GLB1: variants seen among roughly 807,000 people sequenced by gnomAD.
The protein encoded by GLB1 is beta-galactosidase.
In GLB1, 56 loss-of-function variants were observed where a neutral mutation model predicts 74.0. That is an observed-to-expected ratio of 0.76 (90% CI 0.61 to 0.94). The LOEUF is 0.94. Ranked by LOEUF, GLB1 falls within the 40% of genes least tolerant of loss-of-function variation. GLB1 has a pLI of 0.00. For synonymous variants in GLB1, 323 were observed against 323.6 expected, an observed-to-expected ratio of 1.00 and a Z score of 0.02; for missense variants, 787 against 845.5, an observed-to-expected ratio of 0.93 and a Z score of 0.86.
chr3:33,010,456 C>A (rs1228922979), intron 15 of GLB1, among the ~76,000 whole-genome samples: 1 of 152,144 alleles, frequency 6.6e-6, no homozygotes, highest in Non-Finnish European at 1.5e-5. Context: ...AATGTCTATT[C>A]AAGTTCTTTG....
chr3:33,094,353 T>C lies in GLB1; in HGVS notation c.75+2658A>G, dbSNP rs1700912504. The C allele has an allele frequency of 3.6e-6, 5 of 1,402,138 alleles. No individual in the cohort carries two copies. The South Asian group carries it at 7.5e-5, about 21-fold the overall frequency. 86.9% of individuals were successfully genotyped at this position (1,402,138 alleles called of 1,614,324 possible). A position where few individuals can be genotyped will look rare whatever the true frequency, so the allele number is the denominator to read the frequency against. On this transcript the variant is annotated intron_variant, in intron 1 of 15. Transcript: ENST00000307363. ...TTTGTGGGATATTAGAGTGTCCTTG[T>C]ACCCATTCAAAACTCAAAGGCCACT...
At chr3:33,072,776 T>C (rs1699933407) in intron 1 of GLB1, 63 bp from the exon 2 acceptor site, 1 of 1,607,406 alleles carries the variant, frequency 6.2e-7, no homozygotes. Flanking sequence ...AGCCGATCCT[T>C]TGAGAGTAGC....
chr3:33,017,019 A>G (rs1274526678), intron 13 of GLB1, among the ~76,000 whole-genome samples, 179 bp from the exon 14 acceptor site: 4 of 152,200 alleles, frequency 2.6e-5, no homozygotes, highest in Admixed American at 2.0e-4. Flanking sequence ...AGATCCCCCA[A>G]TCACTGCTTC....
chr3:32,996,732 T>C lies in GLB1; in HGVS notation c.*313A>G, dbSNP rs1049607530. The C allele has an allele frequency of 1.0e-5, 4 of 382,748 alleles. No homozygotes were observed. The highest frequency in any genetic ancestry group is 2.1e-5 in the African/African-American group (1 of 48,420). The allele number at this position is 382,748 out of a possible 1,614,324, so 23.7% of individuals were successfully genotyped here. The stretch of plus-strand genomic sequence containing the variant: ...ACATTAAAAACAGTGACATCATCAT[T>C]TGAGTACAAATTTTATTTAACAAAA... On this transcript the variant is annotated 3_prime_UTR_variant, in exon 16 of 16. Coordinates refer to ENST00000307363, the MANE Select transcript of GLB1 (RefSeq NM_000404.4).
At chr3:32,979,007 G>A in the GLB1 span, among the ~76,000 whole-genome samples, 3 of 138,502 alleles carry the variant, frequency 2.2e-5, no homozygotes, top group South Asian at 2.3e-4. Context: ...ATGGAGTTTC[G>A]CTCTTGAAGC....
the GLB1 span, among the ~76,000 whole-genome samples, chr3:32,979,511 G>C: frequency 2.7e-5 from 4 of 150,512 alleles, no homozygotes; most frequent in African/African-American, 9.8e-5. Context: ...AATTCTTTTG[G>C]TGTTTTTTCT....
the GLB1 span, among the ~76,000 whole-genome samples, chr3:32,967,562 C>CTTAACCCT: frequency 6.6e-6 from 1 of 152,188 alleles, no homozygotes; most frequent in African/African-American, 2.4e-5. Flanking sequence ...TAAAAGGTAA[C>CTTAACCCT]TTAACCCTTT....
At chr3:33,070,943 T>C (rs934609237) in intron 2 of GLB1, among the ~76,000 whole-genome samples, 1 of 152,220 alleles carries the variant, frequency 6.6e-6, no homozygotes, top group East Asian at 1.9e-4. Flanking sequence ...AAGAGACATA[T>C]TTATTTTTTG....
chr3:33,040,210 T>C (rs1160638086), intron 10 of GLB1, among the ~76,000 whole-genome samples: 1 of 152,230 alleles, frequency 6.6e-6, no homozygotes, highest in East Asian at 1.9e-4. Flanking sequence ...CCCTCTGATA[T>C]ATTTTGTAGC....
At chr3:32,977,163 T>G in the GLB1 span, among the ~76,000 whole-genome samples, 116,993 of 151,558 alleles carry the variant, frequency 0.77, 47,192 homozygotes, top group East Asian at 1. Context: ...GCCTTCCAGG[T>G]GTTCACAGAA....
At chr3:32,971,720 A>G in the GLB1 span, among the ~76,000 whole-genome samples, 6 of 152,216 alleles carry the variant, frequency 3.9e-5, no homozygotes, top group African/African-American at 1.4e-4. Flanking sequence ...GAGACTAAAA[A>G]CAAAACTCTA....
At chr3:32,993,982 C>T (rs79493384), downstream of GLB1, among the ~76,000 whole-genome samples, 1 of 152,142 alleles carries the variant, frequency 6.6e-6, no homozygotes, top group African/African-American at 2.4e-5. Context: ...TCATTATTCA[C>T]TATCTTCAAA....
intron 10 of GLB1, among the ~76,000 whole-genome samples, chr3:33,041,340 G>A (rs1196710843): frequency 6.6e-6 from 1 of 152,128 alleles, no homozygotes; most frequent in Non-Finnish European, 1.5e-5. Flanking sequence ...AAGTCAGTAT[G>A]CTGAGAGAAA....
In GLB1 at chr3:33,046,210, T is replaced by G. The variant is rs749382988; in HGVS notation, c.978A>C (p.Ala326=). The change falls in exon 10 of 16, where the codon GCA becomes GCC. Residue 326 remains alanine, a synonymous_variant. Transcript: ENST00000307363. ...CATCATAGTCGTAGCTGGTGGGCTG[T>G]GCTGCATAGGGTGAGTTGGCCCCTA... The part of the protein sequence containing the change: ...YWNGANSPYA[A]QPTSYDYDAP... 1 of 1,614,046 alleles carries G rather than the reference T, an allele frequency of 6.2e-7. No homozygotes were observed. Among genetic ancestry groups the G allele is most frequent in the South Asian group, 1.1e-5 (1 of 91,082 alleles).
chr3:33,053,544 T>C lies in GLB1; in HGVS notation c.739A>G (p.Asn247Asp). The change falls in exon 7 of 16, where the codon AAC (asparagine) becomes GAC (aspartate). Residue 247 changes from asparagine (N) to aspartate (D), a missense_variant. Asn to Asp is a conservative substitution (Grantham distance 23). Transcript: ENST00000307363. ...YTTVDFGTGS[N>D]ITDAFLSQRK... ...TGGCTTAGGAAAGCATCTGTGATGTTGCTGCCTGAAAATTGTAAGAGGGAG... is the reference window on the plus strand; with the variant it reads ...TGGCTTAGGAAAGCATCTGTGATGTCGCTGCCTGAAAATTGTAAGAGGGAG... The C allele has an allele frequency of 1.9e-6, 3 of 1,614,214 alleles. No individual in the cohort carries two copies. Among genetic ancestry groups the C allele is most frequent in the South Asian group, 2.2e-5 (2 of 91,088 alleles).
intron 1 of GLB1, chr3:33,094,098 T>G (rs1238185913): frequency 6.2e-7 from 1 of 1,614,242 alleles, no homozygotes; most frequent in Non-Finnish European, 8.5e-7. Context: ...CTCAAGGCTC[T>G]CTGCCAGATA....
chr3:33,065,075 T>C (rs1280863827), intron 5 of GLB1, among the ~76,000 whole-genome samples: 1 of 152,134 alleles, frequency 6.6e-6, no homozygotes, highest in Non-Finnish European at 1.5e-5. Flanking sequence ...GCTGCATGCC[T>C]GCTGCCAGAA....
chr3:33,025,191 C>T (rs7616228), intron 10 of GLB1, among the ~76,000 whole-genome samples: 79,749 of 152,046 alleles, frequency 0.52, 21,270 homozygotes, highest in East Asian at 0.61. Flanking sequence ...GTGATCCGCC[C>T]GCCTCAGCCT....
At chr3:32,963,227 G>T in the GLB1 span, among the ~76,000 whole-genome samples, 2 of 151,980 alleles carry the variant, frequency 1.3e-5, no homozygotes, top group African/African-American at 4.8e-5. Context: ...AAATGTATTG[G>T]CATCTGGAAA....
Sources: gnomAD v4.1 joint callset for allele counts (sites outside exome capture counted in the v4.1 genomes callset) on GRCh38, gnomAD v4.1.1 for gene constraint, MANE v1.5 for transcripts, NCBI Gene and HGNC (gene_info 2026-07-23, HGNC 2026-07-21) for gene names.